TARS1: variants seen among roughly 807,000 people sequenced by gnomAD.
TARS1 encodes threonine--tRNA ligase 1, cytoplasmic.
A neutral mutation model predicts 97.7 loss-of-function variants in TARS1; 57 were observed. The ratio of observed to expected loss-of-function variants is 0.58; its 90% CI spans 0.47 to 0.73. The LOEUF is 0.73. Among genes scored for constraint, TARS1 ranks in the 30% least tolerant of loss-of-function variants. TARS1 has a pLI of 0.00. For missense variants in TARS1, 806 were observed against 888.3 expected (o/e 0.91, Z 1.18); for synonymous variants, 312 against 293.7 (o/e 1.06, Z -0.64).
Position 33,458,669 on chromosome 5 carries a change from G to C in TARS1, c.1083+5G>C. 6.2e-7 allele frequency: 1 copy of C among 1,600,638 alleles called. No individual in the cohort carries two copies. Among genetic ancestry groups the C allele is most frequent in the South Asian group, 1.1e-5 (1 of 88,722 alleles). The stretch of plus-strand genomic sequence containing the variant: ...GCACTTATTGAATTCATTAGGGTAA[G>C]TCATATTTATTGCTTTCTTCTTTAG... On this transcript the variant is annotated splice_donor_5th_base_variant and intron_variant, in intron 10 of 18. Transcript: ENST00000265112.
intron 2 of TARS1, chr5:33,446,912 C>T (rs1409525817): frequency 3.9e-5 from 15 of 383,264 alleles, no homozygotes; most frequent in East Asian, 2.3e-4. Context: ...GGTTATGGAC[C>T]GTTGTGATAA....
intron 17 of TARS1, among the ~76,000 whole-genome samples, chr5:33,466,390 T>TAA (rs200365205): frequency 6.9e-6 from 1 of 145,720 alleles, no homozygotes; most frequent in East Asian, 2.0e-4. Context: ...GATAACCTGA[T>TAA]TAAAAAAAAA....
At chr5:33,460,839 A>C in intron 11 of TARS1, 63 bp from the exon 12 acceptor site, 1 of 1,579,702 alleles carries the variant, frequency 6.3e-7, no homozygotes, top group African/African-American at 1.4e-5. Context: ...CGTGTAATTA[A>C]ATATAGCATT....
Position 33,457,404 on chromosome 5 carries a change from G to GT in TARS1, c.984+2dup. The GT allele has an allele frequency of 6.2e-7, 1 of 1,613,846 alleles. No individual in the cohort carries two copies. Among genetic ancestry groups the GT allele is most frequent in the Non-Finnish European group, 8.5e-7 (1 of 1,179,874 alleles). ...CCGAGATCATAGGAAAATTGGCAGG[G>GT]TATGTTCAAGAACAATGATGTGTCT... On this transcript the variant is annotated splice_donor_variant, in intron 9 of 18. Transcript: ENST00000265112. LOFTEE classifies it high-confidence loss of function.
At chr5:33,449,031 C>G (rs563058561) in intron 3 of TARS1, among the ~76,000 whole-genome samples, 11 of 152,004 alleles carry the variant, frequency 7.2e-5, no homozygotes, top group African/African-American at 2.7e-4. Flanking sequence ...TTACCTATTT[C>G]GACTTAAATG....
At chr5:33,441,397 C>G (rs1201068627) in intron 1 of TARS1, 5 of 503,884 alleles carry the variant, frequency 9.9e-6, no homozygotes, top group Non-Finnish European at 7.2e-6. Context: ...CTTGAGTGAG[C>G]GACTTGTTCA....
rs139272836 is a variant in TARS1, at chr5:33,459,891, G to A, written c.1250+30G>A. The A allele has an allele frequency of 2.4e-5, 38 of 1,593,198 alleles. 1 individual carries two copies. In the African/African-American group the frequency reaches 3.9e-4, roughly 16 times the overall value. On this transcript the variant is annotated intron_variant, in intron 11 of 18. Transcript: ENST00000265112. ...TCGGCAGCTTTGAATTTCTACTGAA[G>A]ATTTTCACATGCTACAATTCATCCT...
chr5:33,445,260 TG>T, intron 1 of TARS1, 63 bp from the exon 2 acceptor site: 1 of 1,245,186 alleles, frequency 8.0e-7, no homozygotes, highest in Non-Finnish European at 1.1e-6. Flanking sequence ...CAACACTTCC[TG>T]GGGCATCACA....
chr5:33,450,732 CTCTACCTTCTACAATG>C (rs1350543806), intron 3 of TARS1, among the ~76,000 whole-genome samples: 1 of 152,142 alleles, frequency 6.6e-6, no homozygotes, highest in African/African-American at 2.4e-5. Context: ...GAACTTTTTC[CTCTACCTTCTACAATG>C]TTGATCTAGA....
chr5:33,465,635 T>C (rs760867335), intron 17 of TARS1, among the ~76,000 whole-genome samples: 3 of 152,224 alleles, frequency 2.0e-5, no homozygotes, highest in Non-Finnish European at 4.4e-5. Context: ...GTCAACAGGT[T>C]AATTGGTTCG....
rs35931457 is a variant in TARS1 at position 33,453,263 on chromosome 5, CTTTTTT to C, written c.330-9_330-4del. On this transcript the variant is annotated intron_variant, in intron 3 of 18. Transcript: ENST00000265112. ...TCGTGTGTACTTATATATGTGTGGA[CTTTTTT>C]TTTTTTTTTTTTTTTTAAGTCAAGG... The C allele has an allele frequency of 6.3e-5, 84 of 1,342,264 alleles. No individual in the cohort carries two copies. The highest frequency in any genetic ancestry group is 3.0e-4 in the Admixed American group (9 of 30,398). The allele number at this position is 1,342,264 out of a possible 1,614,324, so 83.1% of individuals were successfully genotyped here.
At position 33,467,794 on chromosome 5, in the gene TARS1, A is replaced by G; in HGVS notation, c.*86A>G. The G allele has an allele frequency of 6.9e-7, 1 of 1,449,136 alleles. No homozygotes were observed. The highest frequency in any genetic ancestry group is 2.5e-5 in the Admixed American group (1 of 40,690). 89.8% of individuals were successfully genotyped at this position (1,449,136 alleles called of 1,614,324 possible). On this transcript the variant is annotated 3_prime_UTR_variant, in exon 19 of 19. Transcript: ENST00000265112. ...CTTTGTACTCTGAAAACGTCAATTT[A>G]TATTGAACTTGGAGGAGTTTGGCAA...
intron 1 of TARS1, among the ~76,000 whole-genome samples, chr5:33,443,980 AG>A (rs2111921887): frequency 6.6e-6 from 1 of 152,330 alleles, no homozygotes; most frequent in African/African-American, 2.4e-5. Flanking sequence ...TAATTATACA[AG>A]TAACGCATTT....
At chr5:33,448,798 G>T in intron 3 of TARS1, 67 bp downstream of exon 3, 2 of 1,216,574 alleles carry the variant, frequency 1.6e-6, no homozygotes, top group Non-Finnish European at 1.1e-6. Context: ...TTATTATCTT[G>T]CCATGTTTTA....
chr5:33,454,850 A>T, intron 4 of TARS1, 95 bp from the exon 5 acceptor site: 3 of 1,447,794 alleles, frequency 2.1e-6, no homozygotes, highest in Non-Finnish European at 1.9e-6. Flanking sequence ...GTTTACTTGT[A>T]GTAAATATTA....
At position 33,459,812 on chromosome 5, in the gene TARS1, G is replaced by A. The variant is rs758436657; in HGVS notation, c.1201G>A (p.Val401Met). ...CAGCGAGAACATGTTCTCCTTTGAG[G>A]TGGAGAAGGAGCTGTTTGCCCTGAA... ...HYSENMFSFE[V>M]EKELFALKPM... Residue 401 changes from valine to methionine, a missense_variant, in exon 11 of 19, where the codon GTG becomes ATG. Coordinates refer to ENST00000265112, the MANE Select transcript of TARS1 (RefSeq NM_152295.5). 6.2e-6 allele frequency: 10 copies of A among 1,614,054 alleles called. No individual in the cohort carries two copies. The highest frequency in any genetic ancestry group is 7.6e-6 in the Non-Finnish European group (9 of 1,180,030).
intron 2 of TARS1, among the ~76,000 whole-genome samples, chr5:33,447,908 T>C (rs1741501392): frequency 6.6e-6 from 1 of 152,238 alleles, no homozygotes; most frequent in East Asian, 1.9e-4. Flanking sequence ...AGCTCTCTGA[T>C]TGCTGTCTCT....
chr5:33,457,127 A>G (rs746684054), intron 8 of TARS1, 130 bp from the exon 9 acceptor site: 3 of 1,061,406 alleles, frequency 2.8e-6, no homozygotes, highest in Non-Finnish European at 2.7e-6. Flanking sequence ...ATTTTTGAGG[A>G]TAGAAAACAG....
upstream of TARS1, chr5:33,440,936 A>C (rs1579569487): frequency 1.2e-6 from 1 of 805,852 alleles, no homozygotes; most frequent in South Asian, 1.7e-5. Context: ...GTTCCGCCGC[A>C]AGTTGGGGGC....
Sources: gnomAD v4.1 joint callset for allele counts (sites outside exome capture counted in the v4.1 genomes callset) on GRCh38, gnomAD v4.1.1 for gene constraint, MANE v1.5 for transcripts, NCBI Gene and HGNC (gene_info 2026-07-23, HGNC 2026-07-21) for gene names.